The following DGKZ variants were observed in gnomAD, a reference collection of about 807,000 sequenced individuals.
The protein encoded by DGKZ is DAG kinase zeta.
In DGKZ, 45 loss-of-function variants were observed where a neutral mutation model predicts 142.5. The ratio of observed to expected loss-of-function variants is 0.32; its 90% CI spans 0.25 to 0.40. DGKZ has a LOEUF of 0.40. DGKZ is among the 10% of genes least tolerant of loss of function. The probability of loss-of-function intolerance (pLI) is 1.00; values close to 1 mark genes in which losing one functional copy is unlikely to be tolerated. For missense variants in DGKZ, 755 were observed against 1,306.5 expected (o/e 0.58, Z 6.51); for synonymous variants, 442 against 527.0 (o/e 0.84, Z 2.21).
At chr11:46,356,486 T>G (rs1055372145) in intron 1 of DGKZ, among the ~76,000 whole-genome samples, 1 of 152,152 alleles carries the variant, frequency 6.6e-6, no homozygotes, top group Non-Finnish European at 1.5e-5. Flanking sequence ...GCCCTGGGGC[T>G]CACAGCCTGT....
Position 46,367,897 on chromosome 11 carries a change from G to C in DGKZ, c.367-105G>C, listed in dbSNP as rs778095217. Reference sequence around the variant, plus strand: ...GTGCAGGGGCTTTGTCCGGATGCCAGGACTGGGGCTTCCCAGTGCACACAA... The same window carrying C: ...GTGCAGGGGCTTTGTCCGGATGCCACGACTGGGGCTTCCCAGTGCACACAA... On this transcript the variant is annotated intron_variant, in intron 3 of 30. Coordinates refer to ENST00000527911, the Ensembl canonical transcript of DGKZ. The surrounding 1 kb of genome is among the most constrained non-coding windows in gnomAD (Gnocchi z 4.1). The C allele has an allele frequency of 6.6e-7, 1 of 1,525,710 alleles. No homozygotes were observed. Among genetic ancestry groups the C allele is most frequent in the South Asian group, 1.1e-5 (1 of 88,908 alleles). The allele number at this position is 1,525,710 out of a possible 1,614,324, so 94.5% of individuals were successfully genotyped here.
chr11:46,353,986 T>C (rs997477125), intron 1 of DGKZ, among the ~76,000 whole-genome samples: 1 of 151,500 alleles, frequency 6.6e-6, no homozygotes, highest in Non-Finnish European at 1.5e-5. Flanking sequence ...GCGGGGGCGG[T>C]TGTGAAAGGG....
At chr11:46,368,576 G>A (rs1467040663) in intron 4 of DGKZ, 1 of 273,754 alleles carries the variant, frequency 3.7e-6, no homozygotes, top group East Asian at 1.0e-4. Flanking sequence ...TTCGCATGGA[G>A]GGGCAGCGCT....
chr11:46,363,017 A>C (rs900339833), intron 1 of DGKZ, among the ~76,000 whole-genome samples: 57 of 152,212 alleles, frequency 3.7e-4, no homozygotes, highest in Middle Eastern at 3.4e-3. Context: ...CCGGAGACCG[A>C]GGGACAGCCA....
chr11:46,356,691 G>A (rs946973808), intron 1 of DGKZ, among the ~76,000 whole-genome samples: 21 of 152,098 alleles, frequency 1.4e-4, no homozygotes, highest in African/African-American at 4.6e-4. Flanking sequence ...CTGAGGGGTC[G>A]AGGGTATGTG....
At chr11:46,366,761 G>A (rs2136460458) in intron 1 of DGKZ, 13 of 1,550,006 alleles carry the variant, frequency 8.4e-6, no homozygotes, top group South Asian at 2.4e-5. Flanking sequence ...CCTGCTCCCC[G>A]CGGATGCCGT....
intron 6 of DGKZ, 89 bp downstream of exon 6, chr11:46,370,098 C>A (rs1290020629): frequency 6.5e-7 from 1 of 1,533,770 alleles, no homozygotes; most frequent in Non-Finnish European, 9.0e-7. Flanking sequence ...GATCACTGAC[C>A]ACACCCTGGT....
exon 31 of DGKZ, chr11:46,380,235 G>A (rs901427511): frequency 1.7e-5 from 5 of 291,788 alleles, no homozygotes; most frequent in Admixed American, 4.8e-5. Context: ...GGCGCTCCCT[G>A]GCCGCAGCAG....
chr11:46,376,371 T>C, exon 23 of DGKZ: 1 of 1,614,090 alleles, frequency 6.2e-7, no homozygotes, highest in Non-Finnish European at 8.5e-7. Flanking sequence ...TGCCAGAAAC[T>C]GTCCCCCAAG....
chr11:46,350,207 C>A (rs778115960), intron 1 of DGKZ, among the ~76,000 whole-genome samples: 1 of 152,150 alleles, frequency 6.6e-6, no homozygotes, highest in African/African-American at 2.4e-5. Context: ...TTTCTCCTGG[C>A]AGGCCTGGGA....
At chr11:46,365,483 C>G in intron 1 of DGKZ, 2 of 985,402 alleles carry the variant, frequency 2.0e-6, no homozygotes, top group Non-Finnish European at 2.4e-6. Flanking sequence ...AGCCTATTGT[C>G]ACGGCCCCCT....
rs1444124527 is a variant in DGKZ, at chr11:46,374,460, TG to T, written c.1461+10del. The T allele has an allele frequency of 1.1e-5, 17 of 1,613,816 alleles. No homozygotes were observed. The highest frequency in any genetic ancestry group is 1.4e-5 in the Non-Finnish European group (17 of 1,179,978). On this transcript the variant is annotated splice_region_variant and intron_variant, in intron 16 of 30. Transcript: ENST00000527911. ...ATAAGATGTTCTACGCCGGGGTGAG[TG>T]GGGTCTGCACCCCCGCCTGTGCCCA...
chr11:46,333,292 G>T, exon 1 of DGKZ: 1 of 1,267,306 alleles, frequency 7.9e-7, no homozygotes, highest in Non-Finnish European at 9.9e-7. Flanking sequence ...GAGGGGCAGG[G>T]CGGCGGAGGG....
chr11:46,336,274 G>C (rs2136374469), intron 1 of DGKZ, among the ~76,000 whole-genome samples: 1 of 152,322 alleles, frequency 6.6e-6, no homozygotes, highest in South Asian at 2.1e-4. Flanking sequence ...TCTTTAGGTG[G>C]ATGGAGAGAT....
At chr11:46,366,039 C>T (rs1590536057) in intron 1 of DGKZ, 1 of 985,356 alleles carries the variant, frequency 1.0e-6, no homozygotes, top group East Asian at 1.1e-4. Context: ...CCCTGAGCAC[C>T]CCTGGGATCC....
intron 4 of DGKZ, chr11:46,369,120 G>T: frequency 3.2e-6 from 1 of 310,250 alleles, no homozygotes; most frequent in Non-Finnish European, 6.3e-6. Context: ...AGGTTGCAGT[G>T]AGCCGAGATC....
At chr11:46,363,496 G>A (rs2136448589) in intron 1 of DGKZ, among the ~76,000 whole-genome samples, 1 of 152,324 alleles carries the variant, frequency 6.6e-6, no homozygotes, top group African/African-American at 2.4e-5. Context: ...GAGACTCCTG[G>A]ACAGATGTGG....
upstream of DGKZ, among the ~76,000 whole-genome samples, chr11:46,342,591 C>A (rs1292932600): frequency 6.6e-6 from 1 of 152,162 alleles, no homozygotes; most frequent in Non-Finnish European, 1.5e-5. Context: ...GAGGCCACAG[C>A]ATATAGAACC....
chr11:46,345,237 C>CTTGTG, upstream of DGKZ: 1 of 1,349,192 alleles, frequency 7.4e-7, no homozygotes, highest in Non-Finnish European at 9.4e-7. The surrounding 1 kb of genome is among the most constrained non-coding windows in gnomAD (Gnocchi z 4.1). Context: ...CCCCACCTGC[C>CTTGTG]CCTTGCTTTC....
Sources: allele counts gnomAD v4.1 joint callset (sites outside exome capture counted in the v4.1 genomes callset), GRCh38; gene constraint gnomAD v4.1.1; non-coding constraint Gnocchi (gnomAD v3.1); transcripts MANE v1.5; gene names NCBI Gene and HGNC (gene_info 2026-07-23, HGNC 2026-07-21).